The following FAM117B variants were observed in gnomAD, a reference collection of about 807,000 sequenced individuals.
The protein encoded by FAM117B is protein FAM117B.
FAM117B carries 22 observed loss-of-function variants against 52.8 expected under a neutral mutation model. The observed-to-expected ratio is 0.42, with a 90% CI of 0.30 to 0.59. The LOEUF (loss-of-function observed/expected upper bound fraction) is 0.59, where lower values mean the gene tolerates loss of function less well. FAM117B is among the 20% of genes least tolerant of loss of function. FAM117B has a pLI of 0.22. For missense variants in FAM117B, 678 were observed against 802.6 expected (o/e 0.84, Z 1.88); for synonymous variants, 309 against 324.1 (o/e 0.95, Z 0.50).
At chr2:202,720,697 T>G (rs1445810327) in intron 2 of FAM117B, among the ~76,000 whole-genome samples, 1 of 152,180 alleles carries the variant, frequency 6.6e-6, no homozygotes, top group Non-Finnish European at 1.5e-5. Context: ...ACTTGGCTTC[T>G]CTTAAGTCTT....
intron 4 of FAM117B, among the ~76,000 whole-genome samples, chr2:202,735,439 A>G (rs896021470): frequency 1.3e-5 from 2 of 152,234 alleles, no homozygotes; most frequent in Non-Finnish European, 2.9e-5. Context: ...TTAACAAAAG[A>G]TAGTTTTTCT....
intron 1 of FAM117B, among the ~76,000 whole-genome samples, chr2:202,678,919 A>G (rs745869281): frequency 6.6e-6 from 1 of 152,114 alleles, no homozygotes; most frequent in Non-Finnish European, 1.5e-5. Context: ...GCCCAGCTCT[A>G]AGAGCTGGGG....
intron 1 of FAM117B, among the ~76,000 whole-genome samples, chr2:202,655,745 AGAGAGAGAGAGAGAGAGT>A (rs1444188463): frequency 3.0e-5 from 4 of 133,582 alleles, no homozygotes; most frequent in African/African-American, 1.2e-4. Flanking sequence ...AGAGAGAGAG[AGAGAGAGAGAGAGAGAGT>A]GTGTGTGTGT....
chr2:202,702,890 A>G (rs1690816529), intron 2 of FAM117B, among the ~76,000 whole-genome samples: 1 of 152,158 alleles, frequency 6.6e-6, no homozygotes, highest in South Asian at 2.1e-4. Flanking sequence ...TAAGATAGGT[A>G]TGTTTGTTAA....
intron 1 of FAM117B, among the ~76,000 whole-genome samples, chr2:202,659,871 G>A (rs1189212322): frequency 3.3e-5 from 5 of 151,474 alleles, no homozygotes; most frequent in African/African-American, 1.2e-4. Flanking sequence ...CACCCGCATC[G>A]GCCTCCCAAA....
At chr2:202,712,522 A>T (rs1690975567) in intron 2 of FAM117B, among the ~76,000 whole-genome samples, 1 of 148,494 alleles carries the variant, frequency 6.7e-6, no homozygotes, top group African/African-American at 2.5e-5. Context: ...CTTCCATTAC[A>T]GTTTGGGTGC....
chr2:202,718,977 C>A (rs114096698), intron 2 of FAM117B, among the ~76,000 whole-genome samples: 521 of 152,278 alleles, frequency 3.4e-3, no homozygotes, highest in Non-Finnish European at 6.3e-3. Context: ...TTCCTCTTGA[C>A]CTCCAATCGT....
intron 4 of FAM117B, among the ~76,000 whole-genome samples, chr2:202,741,579 C>T (rs560889810): frequency 6.6e-6 from 1 of 150,882 alleles, no homozygotes; most frequent in South Asian, 2.1e-4. Context: ...CTCTGTTGCC[C>T]ATGCTGGAGT....
chr2:202,691,205 C>T (rs543006612), intron 1 of FAM117B, among the ~76,000 whole-genome samples: 2 of 152,216 alleles, frequency 1.3e-5, no homozygotes, highest in African/African-American at 4.8e-5. Flanking sequence ...CACCTGAGGT[C>T]AGGAGTTGGA....
intron 4 of FAM117B, among the ~76,000 whole-genome samples, chr2:202,737,662 C>T (rs182276268): frequency 1.4e-4 from 21 of 151,786 alleles, no homozygotes; most frequent in African/African-American, 3.4e-4. Flanking sequence ...AGTGCAGTGG[C>T]GTGATCTTGG....
Position 202,757,311 on chromosome 2 carries a change from CA to C in FAM117B, c.1204del (p.Arg402GlyfsTer101). 6.2e-7 allele frequency: 1 copy of C among 1,614,118 alleles called. No homozygotes were observed. Among genetic ancestry groups the C allele is most frequent in the Non-Finnish European group, 8.5e-7 (1 of 1,180,020 alleles). On this transcript the variant is annotated frameshift_variant, in exon 6 of 8. Transcript: ENST00000392238. LOFTEE classifies it high-confidence loss of function. ...ACACACAGACGCCTGGTGGGGCAGA[CA>C]GGGGAAGCAACAACAGCAGCCGTTC... ...IDTQTPGGADRGSNNSSRSQS... is the reference protein window; with the variant it reads ...IDTQTPGGADXGSNNSSRSQS...
At chr2:202,752,521 A>G (rs1156554456) in intron 4 of FAM117B, among the ~76,000 whole-genome samples, 1 of 151,884 alleles carries the variant, frequency 6.6e-6, no homozygotes, top group Non-Finnish European at 1.5e-5. Context: ...AGGGAATAAA[A>G]CTGATGGTCA....
At chr2:202,741,945 T>C (rs965817709) in intron 4 of FAM117B, among the ~76,000 whole-genome samples, 6 of 152,184 alleles carry the variant, frequency 3.9e-5, no homozygotes, top group African/African-American at 1.2e-4. Flanking sequence ...AAATTCCAAT[T>C]TACAGTAGCA....
Position 202,721,689 on chromosome 2 carries a change from A to C in FAM117B, c.754-3228A>C, listed in dbSNP as rs931781478. On this transcript the variant is annotated intron_variant, in intron 2 of 7. Coordinates refer to ENST00000392238, the MANE Select transcript of FAM117B (RefSeq NM_173511.4). The stretch of plus-strand genomic sequence containing the variant: ...CGCTCTGACATCCAGGCTGGAGTGC[A>C]GTGGAGCAAGCACAGCTCAGTGCAG... Among the ~76,000 whole-genome samples the C allele has an allele frequency of 2.0e-5, 3 of 152,042 alleles. No homozygotes were observed. In the East Asian group the frequency reaches 5.8e-4, roughly 29 times the overall value.
chr2:202,657,870 T>G (rs1445879609), intron 1 of FAM117B, among the ~76,000 whole-genome samples: 2 of 152,064 alleles, frequency 1.3e-5, no homozygotes, highest in Admixed American at 1.3e-4. Context: ...ATTTATGTAT[T>G]TTTTTTGACT....
At chr2:202,700,658 T>C (rs2105778628) in intron 2 of FAM117B, among the ~76,000 whole-genome samples, 1 of 152,046 alleles carries the variant, frequency 6.6e-6, no homozygotes, top group East Asian at 1.9e-4. Context: ...CTAAGATTAC[T>C]GTTGAAGATG....
intron 7 of FAM117B, 36 bp downstream of exon 7, chr2:202,759,389 A>G (rs773324983): frequency 3.1e-6 from 5 of 1,594,064 alleles, no homozygotes; most frequent in Non-Finnish European, 4.3e-6. Context: ...CAAAAAAACT[A>G]TTATGAGCTT....
At chr2:202,654,621 G>GC (rs1490188559) in intron 1 of FAM117B, among the ~76,000 whole-genome samples, 1 of 151,028 alleles carries the variant, frequency 6.6e-6, no homozygotes, top group Non-Finnish European at 1.5e-5. Context: ...TGCATTTCAG[G>GC]CTGTGTACAG....
intron 1 of FAM117B, among the ~76,000 whole-genome samples, chr2:202,679,289 G>A (rs1305308275): frequency 6.6e-6 from 1 of 152,208 alleles, no homozygotes; most frequent in Non-Finnish European, 1.5e-5. Context: ...AGATCACACT[G>A]TAGGCAGGGG....
Sources: allele counts gnomAD v4.1 joint callset (sites outside exome capture counted in the v4.1 genomes callset), GRCh38; gene constraint gnomAD v4.1.1; transcripts MANE v1.5; gene names NCBI Gene and HGNC (gene_info 2026-07-23, HGNC 2026-07-21).